Variants in ASB3 observed in about 807,000 individuals in gnomAD.
ASB3 encodes ankyrin repeat and SOCS box containing 3, also known as ankyrin repeat and SOCS box protein 3.
Under a neutral mutation model 54.5 loss-of-function variants are expected in ASB3, and 41 were observed. The observed-to-expected ratio is 0.75, with a 90% confidence interval of 0.59 to 0.98. ASB3 has a LOEUF of 0.98. ASB3 is among the 50% of genes least tolerant of loss of function. ASB3 has a pLI of 0.00. For missense variants in ASB3, 733 were observed against 620.0 expected, an observed-to-expected ratio of 1.18 and a Z score of -1.94; for synonymous variants, 266 against 221.2, an observed-to-expected ratio of 1.20 and a Z score of -1.80.
At chr2:53,683,226 A>T (rs1668468713) in intron 9 of ASB3, among the ~76,000 whole-genome samples, 1 of 152,174 alleles carries the variant, frequency 6.6e-6, no homozygotes, top group African/African-American at 2.4e-5. Context: ...AAATGATCAT[A>T]TGGGTTTTGT....
intron 9 of ASB3, among the ~76,000 whole-genome samples, chr2:53,686,070 G>A (rs985378669): frequency 2.0e-5 from 3 of 152,126 alleles, no homozygotes; most frequent in South Asian, 4.1e-4. Flanking sequence ...TTAAAGCCGC[G>A]TTATTATCAC....
chr2:53,721,076 C>A (rs775963827), intron 5 of ASB3, among the ~76,000 whole-genome samples: 2 of 151,016 alleles, frequency 1.3e-5, no homozygotes, highest in Non-Finnish European at 2.9e-5. Flanking sequence ...CAAGATCATG[C>A]CACTGCACTC....
intron 9 of ASB3, among the ~76,000 whole-genome samples, chr2:53,690,165 G>C (rs1001963039): frequency 6.6e-6 from 1 of 152,060 alleles, no homozygotes; most frequent in Admixed American, 6.6e-5. Context: ...GAGCCCAGGA[G>C]GTAGAGGCTG....
intron 3 of ASB3, among the ~76,000 whole-genome samples, chr2:53,734,014 G>C (rs557295212): frequency 2.6e-5 from 4 of 152,320 alleles, no homozygotes; most frequent in Admixed American, 1.3e-4. Context: ...GGCACAGATC[G>C]GTCACGCTAT....
At chr2:53,685,419 G>A (rs554172444) in intron 9 of ASB3, among the ~76,000 whole-genome samples, 2 of 152,110 alleles carry the variant, frequency 1.3e-5, no homozygotes, top group Non-Finnish European at 2.9e-5. Flanking sequence ...AAGCAGCTGC[G>A]CAGGATCACC....
intron 7 of ASB3, among the ~76,000 whole-genome samples, chr2:53,703,218 G>C (rs539454421): frequency 6.6e-6 from 1 of 152,194 alleles, no homozygotes; most frequent in East Asian, 1.9e-4. Context: ...CCTCATTCGA[G>C]ATGGATTACT....
intron 1 of ASB3, among the ~76,000 whole-genome samples, chr2:53,772,276 G>A (rs1173017695): frequency 6.6e-6 from 1 of 152,048 alleles, no homozygotes; most frequent in African/African-American, 2.4e-5. Context: ...CCGGGTTCAC[G>A]CCATTCTCCT....
intron 9 of ASB3, among the ~76,000 whole-genome samples, chr2:53,684,691 T>G (rs1668544938): frequency 6.6e-6 from 1 of 152,214 alleles, no homozygotes; most frequent in South Asian, 2.1e-4. Context: ...GATATTTTTC[T>G]GATCAGATGA....
At chr2:53,776,151 C>A (rs1299662605) in intron 1 of ASB3, among the ~76,000 whole-genome samples, 2 of 152,232 alleles carry the variant, frequency 1.3e-5, no homozygotes, top group African/African-American at 2.4e-5. Context: ...AAGTTTTTCA[C>A]ATAAAGCTGT....
chr2:53,783,212 T>C (rs1427178115), intron 1 of ASB3, among the ~76,000 whole-genome samples: 1 of 152,118 alleles, frequency 6.6e-6, no homozygotes, highest in Non-Finnish European at 1.5e-5. Context: ...AAGAAATTCA[T>C]GTCATGAGAA....
intron 3 of ASB3, among the ~76,000 whole-genome samples, chr2:53,730,383 T>C (rs1236295936): frequency 2.6e-5 from 4 of 152,112 alleles, no homozygotes; most frequent in South Asian, 2.1e-4. Flanking sequence ...GGAGAAATAG[T>C]AGTATTTATA....
rs528799024 is a variant in ASB3 at position 53,712,916 on chromosome 2, G to A, written c.980+1468C>T. On this transcript the variant is annotated intron_variant, in intron 7 of 9. Transcript: ENST00000263634. ...CTGAAGGTCAACTAAAGTAATTAGG[G>A]CTCTTCTGTTTAAAAAGACAAAACT... 8.5e-5 allele frequency among the ~76,000 whole-genome samples: 13 copies of A among 152,314 alleles called. 1 individual carries two copies. The South Asian group carries it at 2.5e-3, about 29-fold the overall frequency.
Position 53,770,241 on chromosome 2 carries a change from A to G in ASB3, c.-13-4656T>C, listed in dbSNP as rs187382569. 9.6e-4 allele frequency among the ~76,000 whole-genome samples: 146 copies of G among 152,330 alleles called. 1 individual carries two copies. Among genetic ancestry groups the G allele is most frequent in the African/African-American group, 3.2e-3 (131 of 41,568 alleles). On this transcript the variant is annotated intron_variant, in intron 1 of 9. Transcript: ENST00000263634. Reference sequence around the variant, plus strand: ...ACTATTAAAATGTATGAGAAGACTAACAGGAAAATTAAATGAGAAATCATA... The same window carrying G: ...ACTATTAAAATGTATGAGAAGACTAGCAGGAAAATTAAATGAGAAATCATA...
At chr2:53,673,109 T>C (rs1667904911) in intron 9 of ASB3, among the ~76,000 whole-genome samples, 1 of 152,302 alleles carries the variant, frequency 6.6e-6, no homozygotes, top group African/African-American at 2.4e-5. Context: ...AGCATGCCAA[T>C]GGACATAGTC....
chr2:53,762,478 C>T (rs1349266997), intron 2 of ASB3, among the ~76,000 whole-genome samples: 1 of 152,204 alleles, frequency 6.6e-6, no homozygotes, highest in East Asian at 1.9e-4. Context: ...GGAACTTCTG[C>T]ATCTGTTACT....
rs970721815 is a variant in ASB3 at position 53,723,144 on chromosome 2, A to G, written c.604+5568T>C. On this transcript the variant is annotated intron_variant, in intron 5 of 9. Transcript: ENST00000263634. ...GAATACATCTTACCAAGGAGGTGAAAGATCTCTACAAGGAGAACTACAAAA... is the reference window on the plus strand; with the variant it reads ...GAATACATCTTACCAAGGAGGTGAAGGATCTCTACAAGGAGAACTACAAAA... Among the ~76,000 whole-genome samples the G allele has an allele frequency of 1.1e-4, 17 of 152,198 alleles. 1 individual carries two copies. The highest frequency in any genetic ancestry group is 4.1e-4 in the African/African-American group (17 of 41,462).
At chr2:53,780,918 T>C (rs1355634413) in intron 1 of ASB3, among the ~76,000 whole-genome samples, 1 of 152,274 alleles carries the variant, frequency 6.6e-6, no homozygotes. Context: ...AACACTTATG[T>C]AGCACTAACT....
Position 53,765,541 on chromosome 2 carries a change from C to T in ASB3, c.32G>A (p.Cys11Tyr). The T allele has an allele frequency of 1.2e-6, 2 of 1,614,200 alleles. No individual in the cohort carries two copies. The highest frequency in any genetic ancestry group is 1.7e-6 in the Non-Finnish European group (2 of 1,180,036). The change falls in exon 2 of 10, where the codon TGC (cysteine) becomes TAC (tyrosine). Residue 11 changes from cysteine (C) to tyrosine (Y), a missense_variant. Coordinates refer to ENST00000263634, the MANE Select transcript of ASB3 (RefSeq NM_016115.5). Reference sequence around the variant, plus strand: ...CCTGGCAGCAAGTCCAACTGTAGAGCACGTGTCCGCGTAAGCCTCTGTAAA... The same window carrying T: ...CCTGGCAGCAAGTCCAACTGTAGAGTACGTGTCCGCGTAAGCCTCTGTAAA... Reference protein sequence around the residue: MDFTEAYADTCSTVGLAAREG... With the variant: MDFTEAYADTYSTVGLAAREG...
chr2:53,737,066 T>G (rs1393717656), intron 3 of ASB3, among the ~76,000 whole-genome samples: 1 of 152,224 alleles, frequency 6.6e-6, no homozygotes, highest in Non-Finnish European at 1.5e-5. Context: ...GCTTCAGAAT[T>G]ATACTTTGGG....
Sources: gnomAD v4.1 joint callset for allele counts (sites outside exome capture counted in the v4.1 genomes callset) on GRCh38, gnomAD v4.1.1 for gene constraint, MANE v1.5 for transcripts, NCBI Gene and HGNC (gene_info 2026-07-23, HGNC 2026-07-21) for gene names.